Variants in LDHC observed in about 807,000 individuals in gnomAD.
LDHC encodes the protein lactate dehydrogenase C.
Under a neutral mutation model 30.2 loss-of-function variants are expected in LDHC, and 20 were observed. The ratio of observed to expected loss-of-function variants is 0.66; its 90% CI spans 0.47 to 0.96. LDHC has a LOEUF of 0.96. LDHC is among the 40% of genes least tolerant of loss of function. The pLI is 0.00. For missense variants in LDHC, 362 were observed against 394.9 expected (o/e 0.92, Z 0.71); for synonymous variants, 139 against 132.7 (o/e 1.05, Z -0.32).
intron 3 of LDHC, 139 bp downstream of exon 3, chr11:18,415,440 T>G: frequency 1.8e-6 from 1 of 558,960 alleles, no homozygotes; most frequent in Non-Finnish European, 3.1e-6. Context: ...TGATCAATTT[T>G]TTTTGTTTTT....
intron 4 of LDHC, among the ~76,000 whole-genome samples, chr11:18,431,119 C>CAAA (rs112931324): frequency 7.8e-6 from 1 of 128,888 alleles, no homozygotes; most frequent in African/African-American, 2.8e-5. Context: ...AACCTTGTCT[C>CAAA]AAAAAAAAAA....
chr11:18,417,120 G>A (rs1389480663), intron 3 of LDHC, among the ~76,000 whole-genome samples: 1 of 152,142 alleles, frequency 6.6e-6, no homozygotes, highest in South Asian at 2.1e-4. Context: ...CTGACCTCAG[G>A]TGACCCGCCT....
intron 3 of LDHC, among the ~76,000 whole-genome samples, chr11:18,420,550 A>G (rs773139565): frequency 2.6e-5 from 4 of 151,512 alleles, no homozygotes; most frequent in Admixed American, 6.6e-5. Context: ...AACATCTTTC[A>G]AGAACAAGGA....
chr11:18,429,961 A>G, intron 4 of LDHC, 51 bp downstream of exon 4: 2 of 1,137,620 alleles, frequency 1.8e-6, no homozygotes, highest in Non-Finnish European at 2.6e-6. Context: ...TTTCCATACC[A>G]TTCCTTTAAA....
chr11:18,445,750 C>G (rs143813495), intron 6 of LDHC, among the ~76,000 whole-genome samples: 1 of 152,082 alleles, frequency 6.6e-6, no homozygotes, highest in Non-Finnish European at 1.5e-5. Flanking sequence ...GCGAGCAGAT[C>G]GCTTGAGCTC....
chr11:18,437,152 C>T lies in LDHC; in HGVS notation c.593-1376C>T, dbSNP rs545152262. On this transcript the variant is annotated intron_variant, in intron 5 of 7. Transcript: ENST00000541669. ...GATTCTAGATTGACAGTTATTCCTC[C>T]TTGGCTCTTGTTTACTATTGAGAAG... 2.0e-5 allele frequency among the ~76,000 whole-genome samples: 3 copies of T among 152,248 alleles called. No individual in the cohort carries two copies. The South Asian group carries it at 6.2e-4, about 32-fold the overall frequency.
chr11:18,446,803 ATAATACCTC>A (rs1156381474), intron 7 of LDHC, among the ~76,000 whole-genome samples: 1 of 152,204 alleles, frequency 6.6e-6, no homozygotes, highest in Non-Finnish European at 1.5e-5. Flanking sequence ...CTTAGATCCT[ATAATACCTC>A]TGGCTGAGAA....
intron 2 of LDHC, 113 bp downstream of exon 2, chr11:18,412,956 T>G: frequency 1.2e-6 from 1 of 818,752 alleles, no homozygotes. Context: ...TTATGTATCC[T>G]TTGACCTTTC....
In LDHC at chr11:18,429,730, T is replaced by C; in HGVS notation, c.245-7T>C. 1 of 1,572,348 alleles carries C rather than the reference T, an allele frequency of 6.4e-7. No homozygotes were observed. The highest frequency in any genetic ancestry group is 8.7e-7 in the Non-Finnish European group (1 of 1,147,672). On this transcript the variant is annotated splice_polypyrimidine_tract_variant and splice_region_variant and intron_variant, in intron 3 of 7. Coordinates refer to ENST00000541669, the MANE Select transcript of LDHC (RefSeq NM_017448.5). ...GATCCAAATATAGTATTTTGTTTCC[T>C]TTTTAGATTACAGTGTATCTGCAAA...
intron 6 of LDHC, among the ~76,000 whole-genome samples, chr11:18,442,660 C>CTTTTTT (rs34884188): frequency 1.8e-5 from 2 of 112,626 alleles, no homozygotes; most frequent in Non-Finnish European, 3.5e-5. Context: ...TTCTCTCTCT[C>CTTTTTT]TTTTTTTTTT....
At chr11:18,435,027 G>A (rs369483903) in intron 5 of LDHC, 114 bp downstream of exon 5, 60 of 629,486 alleles carry the variant, frequency 9.5e-5, no homozygotes, top group East Asian at 8.3e-4. Context: ...TAATTTTTTT[G>A]GTATTTCCCT....
intron 3 of LDHC, among the ~76,000 whole-genome samples, chr11:18,420,790 T>C (rs1475853232): frequency 2.0e-5 from 3 of 151,794 alleles, no homozygotes; most frequent in Non-Finnish European, 4.4e-5. Context: ...AGATCTGTGA[T>C]GCAAGACAAA....
intron 6 of LDHC, among the ~76,000 whole-genome samples, chr11:18,442,008 T>C (rs1430581671): frequency 6.6e-6 from 1 of 152,170 alleles, no homozygotes; most frequent in Non-Finnish European, 1.5e-5. Flanking sequence ...GAAGCTGACA[T>C]GGGGGCAGAC....
At chr11:18,446,664 G>A (rs1367928780) in intron 7 of LDHC, among the ~76,000 whole-genome samples, 1 of 152,132 alleles carries the variant, frequency 6.6e-6, no homozygotes, top group Non-Finnish European at 1.5e-5. Context: ...CCTGATTCTG[G>A]TACTCAGACA....
At chr11:18,445,448 C>T (rs1453996040) in intron 6 of LDHC, among the ~76,000 whole-genome samples, 5 of 152,154 alleles carry the variant, frequency 3.3e-5, no homozygotes, top group Admixed American at 2.0e-4. Context: ...CCACCCACCT[C>T]GGCCTCCCAA....
chr11:18,447,352 G>A (rs1248292427), intron 7 of LDHC, among the ~76,000 whole-genome samples: 1 of 151,902 alleles, frequency 6.6e-6, no homozygotes, highest in South Asian at 2.1e-4. Context: ...AACCAGGATG[G>A]TCTTGATCTC....
At chr11:18,428,330 C>A (rs1377860676) in intron 3 of LDHC, among the ~76,000 whole-genome samples, 1 of 151,616 alleles carries the variant, frequency 6.6e-6, no homozygotes, top group Non-Finnish European at 1.5e-5. Context: ...GCCACCATGG[C>A]TGGCTAATTT....
chr11:18,442,780 G>A (rs549094916), intron 6 of LDHC, among the ~76,000 whole-genome samples: 6 of 148,942 alleles, frequency 4.0e-5, no homozygotes, highest in Non-Finnish European at 7.4e-5. Context: ...CTCATGCCTC[G>A]GCCTCTTGAG....
intron 3 of LDHC, among the ~76,000 whole-genome samples, chr11:18,426,255 G>A (rs1848160752): frequency 6.6e-6 from 1 of 152,028 alleles, no homozygotes; most frequent in Non-Finnish European, 1.5e-5. Flanking sequence ...GACCAGGTGT[G>A]GTGGCTCACG....
Sources: allele counts gnomAD v4.1 joint callset (sites outside exome capture counted in the v4.1 genomes callset), GRCh38; gene constraint gnomAD v4.1.1; transcripts MANE v1.5; gene names NCBI Gene and HGNC (gene_info 2026-07-23, HGNC 2026-07-21).